CARMIL1: variants seen among roughly 807,000 people sequenced by gnomAD.
CARMIL1 encodes capping protein regulator and myosin 1 linker 1.
A neutral mutation model predicts 177.1 loss-of-function variants in CARMIL1; 90 were observed. That is an observed-to-expected ratio of 0.51 (90% CI 0.43 to 0.61). The LOEUF is 0.61. CARMIL1 is among the 20% of genes least tolerant of loss of function. The pLI, the probability that CARMIL1 is intolerant of heterozygous loss-of-function variation, is 0.00. For missense variants in CARMIL1, 1,380 were observed against 1,667.0 expected, an observed-to-expected ratio of 0.83 and a Z score of 3.00; for synonymous variants, 577 against 606.2, an observed-to-expected ratio of 0.95 and a Z score of 0.71.
chr6:25,445,334 C>T (rs558962359), intron 5 of CARMIL1, among the ~76,000 whole-genome samples: 2 of 152,298 alleles, frequency 1.3e-5, no homozygotes, highest in South Asian at 4.1e-4. Context: ...TTATACCCTT[C>T]AAGGTCATCC....
chr6:25,515,345 A>T lies in CARMIL1; in HGVS notation c.1633-330A>T, dbSNP rs1805872249. On this transcript the variant is annotated intron_variant, in intron 20 of 36. Transcript: ENST00000329474. This position sits in a 1 kb window ranked among gnomAD's most constrained non-coding sequence, Gnocchi z 5.0. ...ATGGGTATAAAGGGTGATCATATTA[A>T]GCTGAGAAATTTTTGTTATGTTTTT... Among the ~76,000 whole-genome samples the T allele has an allele frequency of 7.9e-6, 1 of 126,604 alleles. No individual in the cohort carries two copies. Among genetic ancestry groups the T allele is most frequent in the Non-Finnish European group, 1.7e-5 (1 of 58,422 alleles). 83.1% of individuals were successfully genotyped at this position (126,604 alleles called of 152,430 possible). A position where few individuals can be genotyped will look rare whatever the true frequency, so the allele number is the denominator to read the frequency against.
At chr6:25,495,386 A>G (rs1175202133) in intron 16 of CARMIL1, among the ~76,000 whole-genome samples, 171 bp downstream of exon 16, 5 of 152,226 alleles carry the variant, frequency 3.3e-5, no homozygotes, top group Admixed American at 1.3e-4. Context: ...TACATTGTGC[A>G]CTATTGATAT....
chr6:25,324,922 A>G (rs1241379110), intron 2 of CARMIL1, among the ~76,000 whole-genome samples: 2 of 151,974 alleles, frequency 1.3e-5, no homozygotes, highest in Admixed American at 1.3e-4. Flanking sequence ...CACTGGGCAG[A>G]AGTGGAAGAG....
intron 2 of CARMIL1, among the ~76,000 whole-genome samples, chr6:25,332,110 C>T (rs551416377): frequency 3.3e-5 from 5 of 152,240 alleles, no homozygotes; most frequent in African/African-American, 9.6e-5. Context: ...GTGATCCTCT[C>T]GCCTCAGCCT....
Position 25,414,704 on chromosome 6 carries a change from C to T in CARMIL1, c.139-5410C>T, listed in dbSNP as rs73731119. On this transcript the variant is annotated intron_variant, in intron 2 of 36. Transcript: ENST00000329474. ...ATTCTTGCTTTAAAATATTGCTGCC[C>T]TGTTGTACCCACAAGTGGGTACAGT... is the stretch of plus-strand genomic sequence containing the variant. 3.3e-3 allele frequency among the ~76,000 whole-genome samples: 504 copies of T among 152,208 alleles called. 1 individual carries two copies. The highest frequency in any genetic ancestry group is 0.011 in the African/African-American group (446 of 41,534).
chr6:25,308,855 G>C (rs921971864), intron 2 of CARMIL1, among the ~76,000 whole-genome samples: 7 of 152,146 alleles, frequency 4.6e-5, no homozygotes, highest in Non-Finnish European at 8.8e-5. Context: ...AGTACCCCAA[G>C]GTGGAAGCTT....
At chr6:25,415,219 G>A (rs1369591357) in intron 2 of CARMIL1, among the ~76,000 whole-genome samples, 1 of 151,936 alleles carries the variant, frequency 6.6e-6, no homozygotes, top group African/African-American at 2.4e-5. Flanking sequence ...CTGGGGTGCA[G>A]TGGCACCATC....
intron 24 of CARMIL1, among the ~76,000 whole-genome samples, chr6:25,534,640 G>A (rs1311769221): frequency 6.6e-6 from 1 of 152,106 alleles, no homozygotes; most frequent in African/African-American, 2.4e-5. Flanking sequence ...TCTATGATAT[G>A]GCAGGCACTA....
chr6:25,401,224 G>A (rs1040720824), intron 2 of CARMIL1, among the ~76,000 whole-genome samples: 3 of 151,838 alleles, frequency 2.0e-5, no homozygotes, highest in African/African-American at 7.3e-5. Flanking sequence ...TAATAATGTT[G>A]CAGGGATGCA....
chr6:25,322,068 T>A (rs1436597620), intron 2 of CARMIL1, among the ~76,000 whole-genome samples: 1 of 152,010 alleles, frequency 6.6e-6, no homozygotes, highest in African/African-American at 2.4e-5. Context: ...AGCCGCGATA[T>A]AGCACGTACC....
chr6:25,292,883 T>C (rs1782086257), intron 2 of CARMIL1, among the ~76,000 whole-genome samples: 1 of 151,970 alleles, frequency 6.6e-6, no homozygotes, highest in African/African-American at 2.4e-5. Flanking sequence ...CTAATCAAAA[T>C]ATGGAATGAA....
In CARMIL1 at chr6:25,550,863, C is replaced by G. The variant is rs755639568; in HGVS notation, c.2329-47C>G. On this transcript the variant is annotated intron_variant, in intron 26 of 36. Transcript: ENST00000329474. ...CCTTTCAGTTTTATGGCGGGCACCT[C>G]GGGTGCAGTGTCATCATCTCTTCCC... is the stretch of plus-strand genomic sequence containing the variant. The G allele has an allele frequency of 3.3e-6, 5 of 1,534,064 alleles. No individual in the cohort carries two copies. In the East Asian group the frequency reaches 1.1e-4, roughly 35 times the overall value.
At chr6:25,393,702 G>A (rs1283950682) in intron 2 of CARMIL1, 3 of 147,912 alleles carry the variant, frequency 2.0e-5, no homozygotes, top group African/African-American at 7.6e-5. Context: ...AACAAGACCT[G>A]CTCTACAATT....
intron 26 of CARMIL1, among the ~76,000 whole-genome samples, chr6:25,542,439 T>C (rs1809014056): frequency 6.6e-6 from 1 of 152,212 alleles, no homozygotes. Context: ...GACCCCTCTT[T>C]AAACATCACC....
intron 16 of CARMIL1, among the ~76,000 whole-genome samples, chr6:25,499,228 C>G (rs1804061285): frequency 6.6e-6 from 1 of 152,198 alleles, no homozygotes; most frequent in Admixed American, 6.5e-5. Flanking sequence ...ACATGGAAAA[C>G]AGGTAATCGC....
chr6:25,391,642 G>A (rs1263529833), intron 2 of CARMIL1, among the ~76,000 whole-genome samples: 1 of 152,172 alleles, frequency 6.6e-6, no homozygotes, highest in African/African-American at 2.4e-5. Flanking sequence ...TAATGACAGT[G>A]AGATATAATT....
At chr6:25,307,407 C>T (rs1030034750) in intron 2 of CARMIL1, among the ~76,000 whole-genome samples, 1 of 152,208 alleles carries the variant, frequency 6.6e-6, no homozygotes, top group Admixed American at 6.5e-5. Flanking sequence ...TTGACCTGAT[C>T]TGCAGTTCTC....
chr6:25,614,739 A>G (rs977170113), intron 36 of CARMIL1, among the ~76,000 whole-genome samples: 29 of 152,248 alleles, frequency 1.9e-4, no homozygotes, highest in African/African-American at 6.8e-4. Context: ...TTTATACAAC[A>G]CAAAAAGAGA....
intron 2 of CARMIL1, among the ~76,000 whole-genome samples, chr6:25,387,132 AAT>A (rs1554184053): frequency 6.6e-6 from 1 of 151,724 alleles, no homozygotes; most frequent in African/African-American, 2.4e-5. Flanking sequence ...AAAAAAAAAA[AAT>A]CACAACAGAC....
Sources: gnomAD v4.1 joint callset for allele counts (sites outside exome capture counted in the v4.1 genomes callset) on GRCh38, gnomAD v4.1.1 for gene constraint, Gnocchi (gnomAD v3.1) non-coding constraint, MANE v1.5 for transcripts, NCBI Gene and HGNC (gene_info 2026-07-23, HGNC 2026-07-21) for gene names.